Variants in CSMD1 observed in about 807,000 individuals in gnomAD.
CSMD1 encodes the protein CUB and sushi domain-containing protein 1.
In CSMD1, 213 loss-of-function variants were observed where a neutral mutation model predicts 417.5. The observed-to-expected ratio is 0.51, with a 90% CI of 0.46 to 0.57. The LOEUF (loss-of-function observed/expected upper bound fraction) is 0.57, where lower values mean the gene tolerates loss of function less well. Among genes scored for constraint, CSMD1 ranks in the 20% least tolerant of loss-of-function variants. The probability of loss-of-function intolerance (pLI) is 0.00; values close to 1 mark genes in which losing one functional copy is unlikely to be tolerated. For synonymous variants in CSMD1, 2,862 were observed against 1,736.8 expected (o/e 1.65, Z -16.11); for missense variants, 6,923 against 4,529.7 (o/e 1.53, Z -15.17).
intron 2 of CSMD1, among the ~76,000 whole-genome samples, chr8:4,553,209 G>T (rs149751109): frequency 1.3e-5 from 2 of 152,238 alleles, no homozygotes; most frequent in East Asian, 3.9e-4. Context: ...GTGTGTCTGT[G>T]GAACTCAGCT....
At chr8:4,939,094 C>T (rs142372282) in intron 1 of CSMD1, among the ~76,000 whole-genome samples, 4 of 152,220 alleles carry the variant, frequency 2.6e-5, no homozygotes, top group South Asian at 4.2e-4. Context: ...CTGCGGGTTG[C>T]CTCTTTATTT....
chr8:3,607,863 A>G (rs74460858), intron 8 of CSMD1, among the ~76,000 whole-genome samples: 3,847 of 152,320 alleles, frequency 0.025, 70 homozygotes, highest in Middle Eastern at 0.078. Flanking sequence ...CTTGAGGAAG[A>G]ACATGACTAA....
intron 23 of CSMD1, among the ~76,000 whole-genome samples, chr8:3,333,746 A>C (rs1015595409): frequency 6.6e-5 from 10 of 152,312 alleles, no homozygotes; most frequent in African/African-American, 2.4e-4. Context: ...AAAACTACTC[A>C]CTGGATGAAA....
At chr8:4,429,521 G>C (rs79190267) in intron 2 of CSMD1, among the ~76,000 whole-genome samples, 1 of 152,098 alleles carries the variant, frequency 6.6e-6, no homozygotes, top group East Asian at 1.9e-4. Context: ...TAGAATTCAA[G>C]TTGGATCAGA....
chr8:4,150,187 C>T (rs995618405), intron 3 of CSMD1, among the ~76,000 whole-genome samples: 2 of 152,196 alleles, frequency 1.3e-5, no homozygotes, highest in South Asian at 2.1e-4. Flanking sequence ...CCTGAGGCAT[C>T]TGTCTTGTAG....
intron 2 of CSMD1, among the ~76,000 whole-genome samples, chr8:4,439,583 T>A (rs768958758): frequency 6.6e-6 from 1 of 152,170 alleles, no homozygotes; most frequent in South Asian, 2.1e-4. Flanking sequence ...ACATATTTCT[T>A]TATTATTAAC....
chr8:3,574,113 G>A (rs1203799225), intron 10 of CSMD1, among the ~76,000 whole-genome samples: 1 of 152,096 alleles, frequency 6.6e-6, no homozygotes, highest in Non-Finnish European at 1.5e-5. Flanking sequence ...TACCCTGGAG[G>A]AAATATATAT....
At chr8:4,900,833 C>T (rs980718409) in intron 1 of CSMD1, among the ~76,000 whole-genome samples, 2 of 152,332 alleles carry the variant, frequency 1.3e-5, no homozygotes, top group African/African-American at 4.8e-5. Context: ...TCTCACGGCT[C>T]TAATTTCTGT....
At chr8:4,458,394 G>C (rs1029453737) in intron 2 of CSMD1, among the ~76,000 whole-genome samples, 1 of 152,060 alleles carries the variant, frequency 6.6e-6, no homozygotes, top group African/African-American at 2.4e-5. Context: ...GTTATTACAA[G>C]TTTATGGGGA....
At chr8:2,994,161 A>AAAAAAG (rs1806662073) in intron 54 of CSMD1, among the ~76,000 whole-genome samples, 1 of 148,660 alleles carries the variant, frequency 6.7e-6, no homozygotes, top group African/African-American at 2.5e-5. Context: ...AAAAAAAAAA[A>AAAAAAG]AAAAAAAAAA....
At chr8:3,393,320 T>TACA (rs1374547789) in intron 17 of CSMD1, among the ~76,000 whole-genome samples, 2 of 152,200 alleles carry the variant, frequency 1.3e-5, no homozygotes, top group Non-Finnish European at 2.9e-5. Context: ...TCTGTGGCTA[T>TACA]ACAGCTACCT....
chr8:3,674,454 T>C (rs980558863), intron 7 of CSMD1, among the ~76,000 whole-genome samples: 1 of 152,154 alleles, frequency 6.6e-6, no homozygotes, highest in African/African-American at 2.4e-5. Context: ...GCTATTATCA[T>C]TATTATTATA....
chr8:4,956,347 G>A (rs1214544464), intron 1 of CSMD1, among the ~76,000 whole-genome samples: 3 of 150,712 alleles, frequency 2.0e-5, no homozygotes, highest in Non-Finnish European at 4.4e-5. Context: ...CACTATAAAT[G>A]TATACTTGTT....
At chr8:4,328,070 A>G (rs558093597) in intron 3 of CSMD1, among the ~76,000 whole-genome samples, 1 of 152,258 alleles carries the variant, frequency 6.6e-6, no homozygotes, top group East Asian at 1.9e-4. Flanking sequence ...TCTGCACTCC[A>G]TAATTTACAT....
At chr8:4,229,476 T>C (rs1398077635) in intron 3 of CSMD1, among the ~76,000 whole-genome samples, 1 of 152,188 alleles carries the variant, frequency 6.6e-6, no homozygotes, top group Non-Finnish European at 1.5e-5. Flanking sequence ...CAACAAGCAC[T>C]TACCAAAGAA....
chr8:4,276,161 C>T, intron 3 of CSMD1, among the ~76,000 whole-genome samples: 1 of 152,156 alleles, frequency 6.6e-6, no homozygotes, highest in Non-Finnish European at 1.5e-5. Context: ...GCTATAAAGA[C>T]ACATGCACAC....
At chr8:4,264,688 G>C (rs1405309577) in intron 3 of CSMD1, among the ~76,000 whole-genome samples, 2 of 152,128 alleles carry the variant, frequency 1.3e-5, no homozygotes, top group Admixed American at 1.3e-4. Flanking sequence ...CCAGAATAAG[G>C]GGAACAGGGC....
chr8:4,066,450 T>C (rs1302334601), intron 3 of CSMD1, among the ~76,000 whole-genome samples: 4 of 152,200 alleles, frequency 2.6e-5, no homozygotes, highest in African/African-American at 9.7e-5. Flanking sequence ...AGCTACCCGA[T>C]AATATTTTCC....
rs566287041 is a variant in CSMD1, at chr8:4,096,040, G to A, written c.416-63941C>T. Among the ~76,000 whole-genome samples, 24 of 145,106 alleles carry A rather than the reference G, an allele frequency of 1.7e-4. 1 individual carries two copies. The South Asian group carries it at 4.2e-3, about 25-fold the overall frequency. On this transcript the variant is annotated intron_variant, in intron 3 of 69. Transcript: ENST00000635120. Reference sequence around the variant, plus strand: ...ATAATAATTCATGGGTATAATGTGTGGTGTGTTTTGTTCTTGTAACTACAG... The same window carrying A: ...ATAATAATTCATGGGTATAATGTGTAGTGTGTTTTGTTCTTGTAACTACAG...
Sources: gnomAD v4.1 joint callset for allele counts (sites outside exome capture counted in the v4.1 genomes callset) on GRCh38, gnomAD v4.1.1 for gene constraint, MANE v1.5 for transcripts, NCBI Gene and HGNC (gene_info 2026-07-23, HGNC 2026-07-21) for gene names.